Variants in HS3ST2 observed in about 807,000 individuals in gnomAD.
HS3ST2 encodes heparan sulfate glucosamine 3-O-sulfotransferase 2.
HS3ST2 carries 17 observed loss-of-function variants against 26.3 expected under a neutral mutation model. That is an observed-to-expected ratio of 0.65 (90% CI 0.44 to 0.97). The LOEUF is 0.97. Among genes scored for constraint, HS3ST2 ranks in the 50% least tolerant of loss-of-function variants. HS3ST2 has a pLI of 0.00. For synonymous variants in HS3ST2, 237 were observed against 219.2 expected (o/e 1.08, Z -0.72); for missense variants, 402 against 501.2 (o/e 0.80, Z 1.89).
intron 1 of HS3ST2, among the ~76,000 whole-genome samples, chr16:22,839,750 A>G (rs934461051): frequency 6.6e-6 from 1 of 152,094 alleles, no homozygotes; most frequent in Admixed American, 6.5e-5. Flanking sequence ...CGTTTTGCTC[A>G]TAAATTTCTC....
chr16:22,864,527 T>A (rs761973178), intron 1 of HS3ST2, among the ~76,000 whole-genome samples: 13 of 152,142 alleles, frequency 8.5e-5, no homozygotes, highest in Non-Finnish European at 1.8e-4. Context: ...CTGGTCCAGA[T>A]CAAGAGGGCT....
chr16:22,889,228 T>G (rs1463974520), intron 1 of HS3ST2, among the ~76,000 whole-genome samples: 1 of 152,158 alleles, frequency 6.6e-6, no homozygotes, highest in Non-Finnish European at 1.5e-5. Flanking sequence ...GAGAGAACAA[T>G]GAAAGCTTCA....
intron 1 of HS3ST2, among the ~76,000 whole-genome samples, chr16:22,887,786 G>GAAAA (rs10622829): frequency 6.8e-6 from 1 of 146,130 alleles, no homozygotes; most frequent in African/African-American, 2.5e-5. Context: ...ATCTCTACGG[G>GAAAA]AAAAAAAAAA....
In HS3ST2 at chr16:22,814,652, G is replaced by A. The variant is rs369421794; in HGVS notation, c.42G>A (p.Pro14=). The change falls in exon 1 of 2, where the codon CCG becomes CCA. Residue 14 remains proline (P), a synonymous_variant. Transcript: ENST00000261374. ...TGGGCCGCGCGGGGCCACCTCAGCCGCGGAGGGCGCGCAGGCTGCTCTTCG... is the reference window on the plus strand; with the variant it reads ...TGGGCCGCGCGGGGCCACCTCAGCCACGGAGGGCGCGCAGGCTGCTCTTCG... ...RVLGRAGPPQ[P]RRARRLLFAF... 28 of 1,561,926 alleles carry A rather than the reference G, an allele frequency of 1.8e-5. No individual in the cohort carries two copies. The African/African-American group carries it at 3.3e-4, about 18-fold the overall frequency.
At position 22,814,890 on chromosome 16, in the gene HS3ST2, C is replaced by T. The variant is rs1389148059; in HGVS notation, c.280C>T (p.Pro94Ser). Residue 94 changes from proline to serine, a missense_variant, in exon 1 of 2, where the codon CCC (proline) becomes TCC (serine). Physicochemically the swap from Pro to Ser is moderately conservative, Grantham distance 74. Transcript: ENST00000261374. ...SAPSAPAAAV[P>S]APRLSGSNHS... Reference sequence around the variant, plus strand: ...TCCCAGCGCGCCCGCCGCCGCCGTGCCCGCCCCTCGCCTCTCCGGTTCCAA... The same window carrying T: ...TCCCAGCGCGCCCGCCGCCGCCGTGTCCGCCCCTCGCCTCTCCGGTTCCAA... The T allele has an allele frequency of 1.9e-6, 3 of 1,565,596 alleles. No individual in the cohort carries two copies. Among genetic ancestry groups the T allele is most frequent in the South Asian group, 1.2e-5 (1 of 85,676 alleles).
At chr16:22,876,717 A>C (rs904394184) in intron 1 of HS3ST2, among the ~76,000 whole-genome samples, 2 of 152,204 alleles carry the variant, frequency 1.3e-5, no homozygotes, top group Non-Finnish European at 2.9e-5. Flanking sequence ...TTGAAAAAAT[A>C]TGGATCCAGC....
At chr16:22,825,336 T>C (rs1596604590) in intron 1 of HS3ST2, among the ~76,000 whole-genome samples, 1 of 152,244 alleles carries the variant, frequency 6.6e-6, no homozygotes, top group South Asian at 2.1e-4. Context: ...GTTGTCATTA[T>C]TGGCCATTGA....
At chr16:22,819,324 T>G (rs2141173889) in intron 1 of HS3ST2, among the ~76,000 whole-genome samples, 2 of 152,124 alleles carry the variant, frequency 1.3e-5, no homozygotes, top group Middle Eastern at 3.4e-3. Flanking sequence ...AAAAATCAAG[T>G]AAGACTATCT....
intron 1 of HS3ST2, among the ~76,000 whole-genome samples, chr16:22,880,181 G>A (rs1232348729): frequency 2.0e-5 from 3 of 152,190 alleles, no homozygotes; most frequent in Non-Finnish European, 4.4e-5. Flanking sequence ...CACTTTGGGA[G>A]GCCAAGGTGG....
intron 1 of HS3ST2, among the ~76,000 whole-genome samples, chr16:22,900,084 G>C (rs766041761): frequency 6.6e-6 from 1 of 152,190 alleles, no homozygotes; most frequent in Non-Finnish European, 1.5e-5. Flanking sequence ...CAGGTCCCTG[G>C]CCCTTTTTGA....
chr16:22,861,800 A>G (rs1901678187), intron 1 of HS3ST2, among the ~76,000 whole-genome samples: 1 of 151,760 alleles, frequency 6.6e-6, no homozygotes, highest in Non-Finnish European at 1.5e-5. Flanking sequence ...CCACCCTCCA[A>G]CCACAGTGCC....
At chr16:22,871,593 T>A (rs997277685) in intron 1 of HS3ST2, among the ~76,000 whole-genome samples, 2 of 152,228 alleles carry the variant, frequency 1.3e-5, no homozygotes, top group East Asian at 3.9e-4. Context: ...CCTTACTGTC[T>A]GTATCCCCAC....
chr16:22,836,123 G>A (rs905188809), intron 1 of HS3ST2, among the ~76,000 whole-genome samples: 2 of 151,990 alleles, frequency 1.3e-5, no homozygotes, highest in African/African-American at 4.8e-5. Flanking sequence ...TCTGTGAAGG[G>A]CTGAAGCATC....
intron 1 of HS3ST2, among the ~76,000 whole-genome samples, chr16:22,885,542 G>A (rs1301051805): frequency 2.7e-5 from 4 of 150,456 alleles, no homozygotes; most frequent in South Asian, 2.1e-4. Context: ...GGCAACCTCC[G>A]CCTCCTGGGT....
Position 22,814,314 on chromosome 16 carries a change from G to C in HS3ST2, c.-297G>C. 3.2e-6 allele frequency: 1 copy of C among 316,320 alleles called. No homozygotes were observed. Among genetic ancestry groups the C allele is most frequent in the East Asian group, 5.1e-5 (1 of 19,652 alleles). 19.6% of individuals were successfully genotyped at this position (316,320 alleles called of 1,614,324 possible). A position where few individuals can be genotyped will look rare whatever the true frequency, so the allele number is the denominator to read the frequency against. On this transcript the variant is annotated 5_prime_UTR_variant, in exon 1 of 2. Transcript: ENST00000261374. ...CGGGCGCTGGGCGCGCTCCGAACCCGGCGCACGTAAGAGCCTGGGAGCGCC... is the reference window on the plus strand; with the variant it reads ...CGGGCGCTGGGCGCGCTCCGAACCCCGCGCACGTAAGAGCCTGGGAGCGCC...
intron 1 of HS3ST2, among the ~76,000 whole-genome samples, chr16:22,845,402 A>G (rs987251715): frequency 7.1e-6 from 1 of 140,970 alleles, no homozygotes; most frequent in African/African-American, 3.0e-5. Context: ...CCCAGGCTGG[A>G]GTGCAATGGT....
At chr16:22,836,948 A>G (rs1223519074) in intron 1 of HS3ST2, among the ~76,000 whole-genome samples, 1 of 152,172 alleles carries the variant, frequency 6.6e-6, no homozygotes, top group African/African-American at 2.4e-5. Context: ...GTGAGCCACC[A>G]TGCCCAGCCA....
chr16:22,857,317 C>A (rs1157457785), intron 1 of HS3ST2, among the ~76,000 whole-genome samples: 1 of 152,152 alleles, frequency 6.6e-6, no homozygotes, highest in Non-Finnish European at 1.5e-5. Flanking sequence ...GTTACCCAAC[C>A]ACCGTCTTCT....
intron 1 of HS3ST2, among the ~76,000 whole-genome samples, chr16:22,883,898 C>T (rs1259036942): frequency 6.6e-6 from 1 of 152,202 alleles, no homozygotes; most frequent in Non-Finnish European, 1.5e-5. Flanking sequence ...ACCCAGCCAG[C>T]CACAGAGGAG....
Sources: allele counts gnomAD v4.1 joint callset (sites outside exome capture counted in the v4.1 genomes callset), GRCh38; gene constraint gnomAD v4.1.1; transcripts MANE v1.5; gene names NCBI Gene and HGNC (gene_info 2026-07-23, HGNC 2026-07-21).